Variants in CADPS observed in about 807,000 individuals in gnomAD.
The protein encoded by CADPS is calcium dependent secretion activator.
In CADPS, 57 loss-of-function variants were observed where a neutral mutation model predicts 167.3. The ratio of observed to expected loss-of-function variants is 0.34; its 90% CI spans 0.28 to 0.42. The LOEUF (loss-of-function observed/expected upper bound fraction) is 0.42, where lower values mean the gene tolerates loss of function less well. Ranked by LOEUF, CADPS falls within the 20% of genes least tolerant of loss-of-function variation. CADPS has a pLI of 1.00. For missense variants in CADPS, 1,414 were observed against 1,738.1 expected (o/e 0.81, Z 3.32); for synonymous variants, 676 against 635.3 (o/e 1.06, Z -0.96).
intron 1 of CADPS, among the ~76,000 whole-genome samples, chr3:62,862,568 A>G (rs2081005317): frequency 6.6e-6 from 1 of 152,142 alleles, no homozygotes; most frequent in Admixed American, 6.5e-5. Context: ...AATCATAGTC[A>G]TTTATTATAT....
At chr3:62,679,675 G>A (rs944341095) in intron 3 of CADPS, among the ~76,000 whole-genome samples, 23 of 152,000 alleles carry the variant, frequency 1.5e-4, no homozygotes, top group African/African-American at 4.8e-4. Flanking sequence ...GCCTTTCCCC[G>A]TCAGCACTGC....
intron 3 of CADPS, among the ~76,000 whole-genome samples, chr3:62,691,030 G>C (rs1430711009): frequency 6.6e-6 from 1 of 152,020 alleles, no homozygotes; most frequent in Admixed American, 6.6e-5. Flanking sequence ...AAAAGATGTC[G>C]AGGAAGCTTA....
chr3:62,450,356 C>A (rs996263673), intron 26 of CADPS, among the ~76,000 whole-genome samples: 1 of 152,176 alleles, frequency 6.6e-6, no homozygotes. Flanking sequence ...ATCAACAACA[C>A]AATCTATTAC....
chr3:62,809,685 C>T (rs2094301362), intron 1 of CADPS, among the ~76,000 whole-genome samples: 1 of 152,100 alleles, frequency 6.6e-6, no homozygotes, highest in Non-Finnish European at 1.5e-5. Flanking sequence ...CTGTCTTATT[C>T]CACTAGAACG....
intron 1 of CADPS, among the ~76,000 whole-genome samples, chr3:62,776,104 C>T (rs929169840): frequency 4.6e-5 from 7 of 152,144 alleles, no homozygotes; most frequent in Admixed American, 1.3e-4. Flanking sequence ...CTTCCAGGGT[C>T]ATGTGGACTA....
rs915135174 is a variant in CADPS at position 62,874,176 on chromosome 3, G to A, written c.441+413C>T. 6.6e-6 allele frequency among the ~76,000 whole-genome samples: 1 copy of A among 151,954 alleles called. No individual in the cohort carries two copies. The highest frequency in any genetic ancestry group is 1.5e-5 in the Non-Finnish European group (1 of 67,948). ...CCGCCGAACGCACGCCCAGGAGGGC[G>A]GGCCCGGAGTTGAGCGCAGCCGCCC... is the stretch of plus-strand genomic sequence containing the variant. On this transcript the variant is annotated intron_variant, in intron 1 of 29. Transcript: ENST00000383710. This position sits in a 1 kb window ranked among gnomAD's most constrained non-coding sequence, Gnocchi z 7.1.
chr3:62,551,451 C>A (rs917421224), intron 10 of CADPS, among the ~76,000 whole-genome samples: 3 of 152,190 alleles, frequency 2.0e-5, no homozygotes, highest in Non-Finnish European at 4.4e-5. Context: ...TAATAGCCTC[C>A]TATCTGACCT....
In CADPS at chr3:62,558,511, C is replaced by G. The variant is rs115639811; in HGVS notation, c.1645-998G>C. ...AGAGAAGGAGTGCCACATCCCTCAT[C>G]CCTTAGTTTCCTTTATTAAAAGAGA... On this transcript the variant is annotated intron_variant, in intron 9 of 29. Transcript: ENST00000383710. Among the ~76,000 whole-genome samples, 893 of 152,344 alleles carry G rather than the reference C, an allele frequency of 5.9e-3. 13 individuals carry two copies. Among genetic ancestry groups the G allele is most frequent in the South Asian group, 0.019 (90 of 4,830 alleles).
At chr3:62,848,053 G>GT (rs1436039373) in intron 1 of CADPS, among the ~76,000 whole-genome samples, 4 of 129,698 alleles carry the variant, frequency 3.1e-5, no homozygotes, top group African/African-American at 1.0e-4. Flanking sequence ...TTTTTCATGT[G>GT]TTTTTTGGCT....
At chr3:62,810,109 A>C (rs945976804) in intron 1 of CADPS, among the ~76,000 whole-genome samples, 1 of 152,142 alleles carries the variant, frequency 6.6e-6, no homozygotes, top group Admixed American at 6.5e-5. Flanking sequence ...AGCCACTACC[A>C]TTACGGGCCC....
In CADPS at chr3:62,550,369, G is replaced by A. The variant is rs557697083; in HGVS notation, c.1754-254C>T. ...GAACTGCCAAGCAGGCTGCCTGCTT[G>A]GGGGATAAACATCTGCCTATAAACA... On this transcript the variant is annotated intron_variant, in intron 10 of 29. Coordinates refer to ENST00000383710, the MANE Select transcript of CADPS (RefSeq NM_003716.4). Among the ~76,000 whole-genome samples, 17 of 152,020 alleles carry A rather than the reference G, an allele frequency of 1.1e-4. No individual in the cohort carries two copies. In the East Asian group the frequency reaches 2.3e-3, roughly 21 times the overall value.
At chr3:62,565,972 CT>C in intron 9 of CADPS, among the ~76,000 whole-genome samples, 1 of 152,160 alleles carries the variant, frequency 6.6e-6, no homozygotes, top group East Asian at 1.9e-4. Context: ...TGGATGTCCT[CT>C]CTTCATCTTT....
At chr3:62,567,303 C>T (rs747488459) in intron 9 of CADPS, among the ~76,000 whole-genome samples, 3 of 152,098 alleles carry the variant, frequency 2.0e-5, no homozygotes, top group Non-Finnish European at 1.5e-5. Context: ...TTTTTCAGCA[C>T]CACCCAAGGT....
chr3:62,451,340 G>T (rs2058017214), intron 26 of CADPS, among the ~76,000 whole-genome samples: 1 of 152,100 alleles, frequency 6.6e-6, no homozygotes, highest in African/African-American at 2.4e-5. Flanking sequence ...GGGGACCTGA[G>T]TTAATCATTG....
chr3:62,645,970 G>T, intron 5 of CADPS, 127 bp from the exon 6 acceptor site: 2 of 1,025,494 alleles, frequency 2.0e-6, no homozygotes, highest in Non-Finnish European at 2.9e-6. Flanking sequence ...TGTTAGGTTT[G>T]TACCAGTCAT....
chr3:62,672,312 C>T (rs1034695044), intron 3 of CADPS, among the ~76,000 whole-genome samples: 8 of 152,140 alleles, frequency 5.3e-5, no homozygotes, highest in Admixed American at 1.3e-4. Context: ...CAAAACCACA[C>T]GCCATGAAGT....
At chr3:62,498,730 C>T (rs2065214298) in intron 18 of CADPS, among the ~76,000 whole-genome samples, 1 of 151,124 alleles carries the variant, frequency 6.6e-6, no homozygotes, top group African/African-American at 2.4e-5. Flanking sequence ...AAAATGAAGA[C>T]TGTAGTACAA....
At chr3:62,679,361 G>A (rs1361969050) in intron 3 of CADPS, among the ~76,000 whole-genome samples, 2 of 151,976 alleles carry the variant, frequency 1.3e-5, no homozygotes, top group East Asian at 3.9e-4. Flanking sequence ...TCCTAGAGGT[G>A]GATGCTGGTC....
chr3:62,722,377 G>A (rs1913226), intron 3 of CADPS, among the ~76,000 whole-genome samples: 17,875 of 152,186 alleles, frequency 0.12, 1,466 homozygotes, highest in African/African-American at 0.23. Context: ...GAGGACAGTG[G>A]CCACAGTGGT....
Sources: gnomAD v4.1 joint callset for allele counts (sites outside exome capture counted in the v4.1 genomes callset) on GRCh38, gnomAD v4.1.1 for gene constraint, Gnocchi (gnomAD v3.1) non-coding constraint, MANE v1.5 for transcripts, NCBI Gene and HGNC (gene_info 2026-07-23, HGNC 2026-07-21) for gene names.